NELFB: variants seen among roughly 807,000 people sequenced by gnomAD.
NELFB encodes negative elongation factor B.
A neutral mutation model predicts 60.2 loss-of-function variants in NELFB; 34 were observed. The observed-to-expected ratio is 0.56, with a 90% CI of 0.43 to 0.75. The LOEUF (loss-of-function observed/expected upper bound fraction) is 0.75. Among genes scored for constraint, NELFB ranks in the 30% least tolerant of loss-of-function variants. The pLI is 0.00. For synonymous variants in NELFB, 459 were observed against 382.1 expected (o/e 1.20, Z -2.35); for missense variants, 770 against 831.6 (o/e 0.93, Z 0.91).
chr9:137,266,015 T>C, intron 7 of NELFB, 36 bp downstream of exon 7: 2 of 1,481,176 alleles, frequency 1.4e-6, no homozygotes, highest in Non-Finnish European at 1.9e-6. Context: ...GTCGGGGCCA[T>C]GCGGCCACTC....
intron 10 of NELFB, among the ~76,000 whole-genome samples, chr9:137,267,653 C>A (rs974217220): frequency 3.3e-5 from 5 of 152,030 alleles, no homozygotes; most frequent in Admixed American, 1.3e-4. Context: ...GCCACCGTGC[C>A]AGGCTAATTT....
chr9:137,257,200 T>G (rs1462378226), intron 4 of NELFB, 146 bp downstream of exon 4: 3 of 670,772 alleles, frequency 4.5e-6, no homozygotes, highest in Non-Finnish European at 7.5e-6. Context: ...GAGGGCTGGC[T>G]TGTACACATG....
In NELFB at chr9:137,266,351, G is replaced by C; in HGVS notation, c.1164G>C (p.Leu388=). ...TACAGGACAGCCCCGACCTCCTGCT[G>C]CTGCTCCGGCTGCTGGCGCTGGGCC... The change falls in exon 8 of 13, where the codon CTG becomes CTC. Residue 388 remains leucine (L), a synonymous_variant. Transcript: ENST00000343053. 1 of 1,612,926 alleles carries C rather than the reference G, an allele frequency of 6.2e-7. No individual in the cohort carries two copies. The highest frequency in any genetic ancestry group is 2.2e-5 in the East Asian group (1 of 44,892).
chr9:137,272,891 T>TGCCCCTCCCCAGCGTGCCC lies in NELFB; in HGVS notation c.1857_1875dup (p.Ala626ProfsTer144). On this transcript the variant is annotated frameshift_variant, in exon 13 of 13. Coordinates refer to ENST00000343053, the MANE Select transcript of NELFB (RefSeq NM_015456.5). LOFTEE classifies it high-confidence loss of function. Reference sequence around the variant, plus strand: ...GCTGCGGAGACGCCGGCCCTGGAGCTGCCCCTCCCCAGCGTGCCCGCCCCT... The same window carrying TGCCCCTCCCCAGCGTGCCC: ...GCTGCGGAGACGCCGGCCCTGGAGCTGCCCCTCCCCAGCGTGCCCGCCCCTCCCCAGCGTGCCCGCCCCT... 6.5e-7 allele frequency: 1 copy of TGCCCCTCCCCAGCGTGCCC among 1,545,938 alleles called. No individual in the cohort carries two copies. The highest frequency in any genetic ancestry group is 8.7e-7 in the Non-Finnish European group (1 of 1,144,566).
chr9:137,265,212 G>C lies in NELFB; in HGVS notation c.1041-665G>C, dbSNP rs145448528. On this transcript the variant is annotated intron_variant, in intron 6 of 12. Coordinates refer to ENST00000343053, the MANE Select transcript of NELFB (RefSeq NM_015456.5). Reference sequence around the variant, plus strand: ...TTTTTGTTATCTTTAGTAGAGATGGGATTTCACCACCTCGCCCGGGCTAGT... The same window carrying C: ...TTTTTGTTATCTTTAGTAGAGATGGCATTTCACCACCTCGCCCGGGCTAGT... Among the ~76,000 whole-genome samples the C allele has an allele frequency of 3.1e-3, 472 of 150,990 alleles. 7 individuals carry two copies. In the East Asian group the frequency reaches 0.039, roughly 12 times the overall value.
rs1357132388 is a variant in NELFB at position 137,264,278 on chromosome 9, C to T, written c.961C>T (p.Arg321Trp). ...GTGCCTGGACGCCTGCATCCGAGAG[C>T]GGTTCGTGGACAGCAAGAGGGCGCG... is the stretch of plus-strand genomic sequence containing the variant. Residue 321 changes from arginine to tryptophan, a missense_variant, in exon 6 of 13, where the codon CGG becomes TGG. Physicochemically the swap from Arg to Trp is moderately radical, Grantham distance 101 (BLOSUM62 -3). Transcript: ENST00000343053. 1.4e-5 allele frequency: 22 copies of T among 1,602,644 alleles called. No individual in the cohort carries two copies. Among genetic ancestry groups the T allele is most frequent in the African/African-American group, 2.7e-5 (2 of 74,788 alleles).
At position 137,255,355 on chromosome 9, in the gene NELFB, G is replaced by A. The variant is rs1837531407; in HGVS notation, c.-11G>A. On this transcript the variant is annotated 5_prime_UTR_variant, in exon 1 of 13. Transcript: ENST00000343053. ...TGCGGGACGCGCGCGGAGTCGCGCG[G>A]CGGGCGGGACCTGGCCGAGCTGGAG... The A allele has an allele frequency of 4.6e-6, 2 of 431,772 alleles. No individual in the cohort carries two copies. The highest frequency in any genetic ancestry group is 7.4e-6 in the Non-Finnish European group (2 of 270,720). The allele number at this position is 431,772 out of a possible 1,614,324, so 26.7% of individuals were successfully genotyped here.
At chr9:137,267,202 G>T in intron 9 of NELFB, 38 bp from the exon 10 acceptor site, 1 of 1,511,630 alleles carries the variant, frequency 6.6e-7, no homozygotes, top group Non-Finnish European at 9.2e-7. Flanking sequence ...TGGGGCTGAG[G>T]TGGGGCTGAG....
chr9:137,272,751 C>G (rs1214349829), intron 12 of NELFB, 31 bp from the exon 13 acceptor site: 2 of 1,524,754 alleles, frequency 1.3e-6, no homozygotes, highest in Admixed American at 4.1e-5. Flanking sequence ...GCCCATGCGC[C>G]TCGCCTGCCC....
In NELFB at chr9:137,269,293, C is replaced by T. The variant is rs1830555017; in HGVS notation, c.1489+1947C>T. ...CCACAGACAGTGGCATTAGACAGCG[C>T]AGGCAGACATGACCTCCTGGGCTTC... On this transcript the variant is annotated intron_variant, in intron 10 of 12. Coordinates refer to ENST00000343053, the MANE Select transcript of NELFB (RefSeq NM_015456.5). This position sits in a 1 kb window ranked among gnomAD's most constrained non-coding sequence, Gnocchi z 5.3. 6.6e-6 allele frequency among the ~76,000 whole-genome samples: 1 copy of T among 152,130 alleles called. No homozygotes were observed. The highest frequency in any genetic ancestry group is 6.5e-5 in the Admixed American group (1 of 15,282).
At chr9:137,260,538 A>G (rs1416888393) in intron 4 of NELFB, among the ~76,000 whole-genome samples, 1 of 148,038 alleles carries the variant, frequency 6.8e-6, no homozygotes, top group Non-Finnish European at 1.5e-5. Context: ...CTGCAACCTC[A>G]GTCTCCCAGG....
At chr9:137,267,140 G>A in intron 9 of NELFB, 54 bp downstream of exon 9, 4 of 1,612,646 alleles carry the variant, frequency 2.5e-6, no homozygotes, top group Non-Finnish European at 3.4e-6. Context: ...GGATGGCACT[G>A]TTGCCCAGGG....
At chr9:137,267,666 G>T (rs1237524060) in intron 10 of NELFB, among the ~76,000 whole-genome samples, 1 of 151,862 alleles carries the variant, frequency 6.6e-6, no homozygotes, top group Non-Finnish European at 1.5e-5. Flanking sequence ...GCTAATTTTT[G>T]TATTTTTAGT....
rs1360086685 is a variant in NELFB at position 137,273,220 on chromosome 9, A to G, written c.*292A>G. The G allele has an allele frequency of 3.1e-5, 6 of 190,718 alleles. No homozygotes were observed. Among genetic ancestry groups the G allele is most frequent in the Non-Finnish European group, 5.3e-5 (5 of 94,028 alleles). 11.8% of individuals were successfully genotyped at this position (190,718 alleles called of 1,614,324 possible). On this transcript the variant is annotated 3_prime_UTR_variant, in exon 13 of 13. Transcript: ENST00000343053. Reference sequence around the variant, plus strand: ...TTAGGAAAAAACCACCTGTTTTCCAAGGGGAGAGGGCGGGGCCTGAGGGTG... The same window carrying G: ...TTAGGAAAAAACCACCTGTTTTCCAGGGGGAGAGGGCGGGGCCTGAGGGTG...
rs763883924 is a variant in NELFB, at chr9:137,256,322, G to A, written c.411-7G>A. On this transcript the variant is annotated splice_region_variant and splice_polypyrimidine_tract_variant and intron_variant, in intron 2 of 12. Transcript: ENST00000343053. ...CGCTGCACCATCAATCCTGTGAGTT[G>A]TTCCAGGTACAAGAAGCTGGAAGAC... 1.9e-6 allele frequency: 3 copies of A among 1,612,526 alleles called. No individual in the cohort carries two copies. Among genetic ancestry groups the A allele is most frequent in the African/African-American group, 2.7e-5 (2 of 74,914 alleles).
intron 4 of NELFB, among the ~76,000 whole-genome samples, chr9:137,257,489 A>AT (rs1387516863): frequency 7.7e-6 from 1 of 130,314 alleles, no homozygotes; most frequent in Admixed American, 8.4e-5. Flanking sequence ...TGCCTGGCTA[A>AT]TTTTTTTTCT....
In NELFB at chr9:137,256,318, A is replaced by C. The variant is rs768696275; in HGVS notation, c.411-11A>C. The C allele has an allele frequency of 1.1e-5, 18 of 1,612,242 alleles. No homozygotes were observed. Among genetic ancestry groups the C allele is most frequent in the Non-Finnish European group, 1.5e-5 (18 of 1,178,528 alleles). On this transcript the variant is annotated splice_polypyrimidine_tract_variant and intron_variant, in intron 2 of 12. Coordinates refer to ENST00000343053, the MANE Select transcript of NELFB (RefSeq NM_015456.5). ...GCATCGCTGCACCATCAATCCTGTG[A>C]GTTGTTCCAGGTACAAGAAGCTGGA...
rs375292360 is a variant in NELFB, at chr9:137,267,106, G to A, written c.1382+20G>A. 1 of 1,613,754 alleles carries A rather than the reference G, an allele frequency of 6.2e-7. No homozygotes were observed. Among genetic ancestry groups the A allele is most frequent in the Non-Finnish European group, 8.5e-7 (1 of 1,179,942 alleles). On this transcript the variant is annotated intron_variant, in intron 9 of 12. Transcript: ENST00000343053. ...CACTAAGTACGGGCTGTAGGGCCAT[G>A]GTGCAGGGGTGGCCGTGGCGCAGGG...
chr9:137,268,669 G>A (rs1274123004), intron 10 of NELFB, among the ~76,000 whole-genome samples: 1 of 152,190 alleles, frequency 6.6e-6, no homozygotes. Context: ...TCTGGCTGGG[G>A]CTTTTTGCTG....
Sources: allele counts gnomAD v4.1 joint callset (sites outside exome capture counted in the v4.1 genomes callset), GRCh38; gene constraint gnomAD v4.1.1; non-coding constraint Gnocchi (gnomAD v3.1); transcripts MANE v1.5; gene names NCBI Gene and HGNC (gene_info 2026-07-23, HGNC 2026-07-21).